PLPP1: variants seen among roughly 807,000 people sequenced by gnomAD.
PLPP1 encodes the protein phospholipid phosphatase 1.
A neutral mutation model predicts 31.2 loss-of-function variants in PLPP1; 24 were observed. The observed-to-expected ratio is 0.77, with a 90% CI of 0.56 to 1.08. PLPP1 has a LOEUF of 1.08. Among genes scored for constraint, PLPP1 ranks in the 50% least tolerant of loss-of-function variants. The pLI is 0.00. For missense variants in PLPP1, 319 were observed against 342.7 expected, an observed-to-expected ratio of 0.93 and a Z score of 0.55; for synonymous variants, 146 against 126.3, an observed-to-expected ratio of 1.16 and a Z score of -1.05.
intron 4 of PLPP1, among the ~76,000 whole-genome samples, chr5:55,431,563 A>T (rs1044062956): frequency 1.3e-5 from 2 of 152,196 alleles, no homozygotes; most frequent in Admixed American, 6.5e-5. Context: ...GAATAAAAAA[A>T]TTTCTTGAAA....
intron 1 of PLPP1, chr5:55,530,438 A>G (rs1740623798): frequency 1.6e-6 from 2 of 1,267,814 alleles, no homozygotes; most frequent in African/African-American, 1.5e-5. Flanking sequence ...TAGGATGACC[A>G]GAAGAACTTG....
At chr5:55,449,312 C>T (rs921193350) in intron 3 of PLPP1, among the ~76,000 whole-genome samples, 4 of 152,116 alleles carry the variant, frequency 2.6e-5, no homozygotes, top group Non-Finnish European at 4.4e-5. Flanking sequence ...TCACATAACA[C>T]GGTGATAATA....
intron 4 of PLPP1, 34 bp from the exon 5 acceptor site, chr5:55,426,073 T>C: frequency 6.5e-7 from 1 of 1,531,156 alleles, no homozygotes; most frequent in South Asian, 1.3e-5. Context: ...AAATAGTTTA[T>C]TTAACATAAC....
At chr5:55,491,695 TAAC>T (rs1276911898) in intron 1 of PLPP1, among the ~76,000 whole-genome samples, 1 of 151,302 alleles carries the variant, frequency 6.6e-6, no homozygotes, top group Non-Finnish European at 1.5e-5. Context: ...CCGTCTCTAC[TAAC>T]AACACAAAAA....
At chr5:55,433,246 A>C (rs1388175575) in intron 4 of PLPP1, among the ~76,000 whole-genome samples, 2 of 151,152 alleles carry the variant, frequency 1.3e-5, no homozygotes, top group African/African-American at 4.9e-5. Flanking sequence ...TCACTGCTTA[A>C]GCACAGGACA....
intron 4 of PLPP1, among the ~76,000 whole-genome samples, chr5:55,433,684 A>G (rs1020331640): frequency 1.4e-4 from 21 of 150,234 alleles, no homozygotes; most frequent in African/African-American, 5.1e-4. Flanking sequence ...CATTTCCAAC[A>G]GAGACGGTTT....
intron 3 of PLPP1, among the ~76,000 whole-genome samples, chr5:55,458,098 A>G (rs1470823079): frequency 1.3e-5 from 2 of 152,310 alleles, no homozygotes; most frequent in Middle Eastern, 3.4e-3. Context: ...ACACCCTGAT[A>G]CTGAAGTCCC....
intron 1 of PLPP1, among the ~76,000 whole-genome samples, chr5:55,532,169 A>G (rs2111965885): frequency 6.6e-6 from 1 of 152,328 alleles, no homozygotes; most frequent in South Asian, 2.1e-4. Context: ...ACTACAGGCT[A>G]CAACAACCCA....
intron 5 of PLPP1, 179 bp downstream of exon 5, chr5:55,425,684 G>T: frequency 1.8e-6 from 1 of 543,752 alleles, no homozygotes; most frequent in Non-Finnish European, 3.0e-6. Flanking sequence ...CTAAGTTTTA[G>T]AAAGAGCAAC....
intron 1 of PLPP1, among the ~76,000 whole-genome samples, chr5:55,534,126 A>C (rs141210954): frequency 1.8e-3 from 278 of 152,282 alleles, no homozygotes; most frequent in Non-Finnish European, 3.2e-3. Flanking sequence ...AGCCTTTTAT[A>C]GCCGAAATAT....
chr5:55,451,965 T>C (rs762003571), intron 3 of PLPP1, among the ~76,000 whole-genome samples: 1 of 152,164 alleles, frequency 6.6e-6, no homozygotes, highest in Non-Finnish European at 1.5e-5. Context: ...CATTTTAGTA[T>C]ATTTAAAGAG....
chr5:55,505,750 T>C (rs1489538527), intron 1 of PLPP1, among the ~76,000 whole-genome samples: 1 of 152,062 alleles, frequency 6.6e-6, no homozygotes, highest in Non-Finnish European at 1.5e-5. Flanking sequence ...AACCCTTAAA[T>C]TCCTGCATTA....
chr5:55,518,789 T>G (rs1753605486), intron 1 of PLPP1, among the ~76,000 whole-genome samples: 2 of 152,152 alleles, frequency 1.3e-5, no homozygotes, highest in South Asian at 2.1e-4. Flanking sequence ...ATGACTCTCC[T>G]TAATAACTGA....
chr5:55,511,650 GTTTTTTTTT>G (rs1158182340), intron 1 of PLPP1, among the ~76,000 whole-genome samples: 2 of 51,448 alleles, frequency 3.9e-5, no homozygotes, highest in African/African-American at 9.0e-5. Context: ...CACGTGTTGA[GTTTTTTTTT>G]TTTTTTTTTT....
At chr5:55,499,951 C>T (rs938103544) in intron 1 of PLPP1, among the ~76,000 whole-genome samples, 1 of 151,290 alleles carries the variant, frequency 6.6e-6, no homozygotes. Context: ...TTATATTTGA[C>T]ATCCTACCAT....
At chr5:55,440,613 TTTAA>T (rs3842493) in intron 4 of PLPP1, among the ~76,000 whole-genome samples, 8,361 of 152,240 alleles carry the variant, frequency 0.055, 401 homozygotes, top group Admixed American at 0.11. Flanking sequence ...CTTCACAAAA[TTTAA>T]TTAATGTAAG....
chr5:55,520,650 G>C (rs1753643899), intron 1 of PLPP1, among the ~76,000 whole-genome samples: 1 of 152,162 alleles, frequency 6.6e-6, no homozygotes, highest in African/African-American at 2.4e-5. Flanking sequence ...GTAATAGATG[G>C]AGCTAGACTT....
intron 1 of PLPP1, among the ~76,000 whole-genome samples, chr5:55,525,319 T>G (rs1458635790): frequency 6.6e-6 from 1 of 152,188 alleles, no homozygotes; most frequent in African/African-American, 2.4e-5. Context: ...GTACTTTCAT[T>G]ATATAGCTAA....
intron 1 of PLPP1, among the ~76,000 whole-genome samples, chr5:55,485,851 TAA>T (rs1752766083): frequency 6.6e-6 from 1 of 152,168 alleles, no homozygotes; most frequent in Non-Finnish European, 1.5e-5. Flanking sequence ...GAATAAATCA[TAA>T]AACAGTCCCC....
Sources: allele counts gnomAD v4.1 joint callset (sites outside exome capture counted in the v4.1 genomes callset), GRCh38; gene constraint gnomAD v4.1.1; transcripts MANE v1.5; gene names NCBI Gene and HGNC (gene_info 2026-07-23, HGNC 2026-07-21).